Variants in RPS6KA2 observed in about 807,000 individuals in gnomAD.
RPS6KA2 encodes the protein ribosomal protein S6 kinase alpha-2.
Under a neutral mutation model 91.8 loss-of-function variants are expected in RPS6KA2, and 42 were observed. The observed-to-expected ratio is 0.46, with a 90% CI of 0.36 to 0.59. The LOEUF is 0.59. Ranked by LOEUF, RPS6KA2 falls within the 20% of genes least tolerant of loss-of-function variation. RPS6KA2 has a pLI of 0.00. For missense variants in RPS6KA2, 798 were observed against 978.5 expected (o/e 0.82, Z 2.46); for synonymous variants, 414 against 393.6 (o/e 1.05, Z -0.61).
Position 166,459,329 on chromosome 6 carries a change from T to C in RPS6KA2, c.1075+120A>G. On this transcript the variant is annotated intron_variant, in intron 12 of 20. Coordinates refer to ENST00000265678, the MANE Select transcript of RPS6KA2 (RefSeq NM_021135.6). The surrounding 1 kb of genome is among the most constrained non-coding windows in gnomAD (Gnocchi z 4.9). Reference sequence around the variant, plus strand: ...ACAACAACAAAAAACCCAAACAGAATGGACAGTTATTTTCCATGAAAAGAA... The same window carrying C: ...ACAACAACAAAAAACCCAAACAGAACGGACAGTTATTTTCCATGAAAAGAA... 3.1e-6 allele frequency: 2 copies of C among 647,348 alleles called. No homozygotes were observed. The highest frequency in any genetic ancestry group is 2.7e-6 in the Non-Finnish European group (1 of 370,600). 40.1% of individuals were successfully genotyped at this position (647,348 alleles called of 1,614,324 possible). A position where few individuals can be genotyped will look rare whatever the true frequency, so the allele number is the denominator to read the frequency against.
chr6:166,807,610 G>A (rs1779524465), intron 2 of RPS6KA2, among the ~76,000 whole-genome samples: 4 of 151,838 alleles, frequency 2.6e-5, no homozygotes, highest in Admixed American at 2.6e-4. Flanking sequence ...GCCAGGAGGT[G>A]CTACACCACC....
At chr6:166,475,565 C>T (rs995860373) in intron 10 of RPS6KA2, among the ~76,000 whole-genome samples, 2 of 152,224 alleles carry the variant, frequency 1.3e-5, no homozygotes, top group Admixed American at 6.5e-5. Flanking sequence ...GCAGCTCTGT[C>T]GCCCCCACTC....
chr6:166,819,155 C>A (rs1247117365), intron 2 of RPS6KA2, among the ~76,000 whole-genome samples: 1 of 152,156 alleles, frequency 6.6e-6, no homozygotes, highest in African/African-American at 2.4e-5. Flanking sequence ...AGCTTTCGCA[C>A]CCCATTGCTA....
intron 3 of RPS6KA2, among the ~76,000 whole-genome samples, chr6:166,513,564 C>A (rs544750150): frequency 2.7e-4 from 41 of 152,294 alleles, no homozygotes; most frequent in Non-Finnish European, 8.8e-5. Flanking sequence ...AGGAAGGAGA[C>A]CCCTGCCTGC....
intron 2 of RPS6KA2, among the ~76,000 whole-genome samples, chr6:166,645,086 C>T (rs955666354): frequency 1.3e-5 from 2 of 152,170 alleles, no homozygotes; most frequent in African/African-American, 4.8e-5. Flanking sequence ...GGACAAGTTC[C>T]TATTATTTTA....
Position 166,538,695 on chromosome 6 carries a change from C to G in RPS6KA2, c.189G>C (p.Lys63Asn). Residue 63 changes from lysine (K) to asparagine (N), a missense_variant, in exon 2 of 21, where the codon AAG becomes AAC. Lys to Asn is a moderately conservative substitution (Grantham distance 94). Coordinates refer to ENST00000265678, the MANE Select transcript of RPS6KA2 (RefSeq NM_021135.6). ...KADPSQFELL[K>N]VLGQGSYGKV... is the part of the protein sequence containing the mutation. ...TTCCATAGGATCCTTGTCCTAAAAC[C>G]TTCAGCAGCTCAAACTGGGAAGGAT... The G allele has an allele frequency of 1.2e-6, 2 of 1,608,770 alleles. No homozygotes were observed. The highest frequency in any genetic ancestry group is 1.7e-6 in the Non-Finnish European group (2 of 1,175,226).
chr6:166,656,101 A>T (rs1352706703), intron 2 of RPS6KA2, among the ~76,000 whole-genome samples: 1 of 152,266 alleles, frequency 6.6e-6, no homozygotes, highest in African/African-American at 2.4e-5. Context: ...AACCGTGAAC[A>T]AAGGAAGAGA....
At chr6:166,547,349 C>T (rs550950728) in intron 1 of RPS6KA2, among the ~76,000 whole-genome samples, 4 of 152,242 alleles carry the variant, frequency 2.6e-5, no homozygotes, top group Non-Finnish European at 5.9e-5. Context: ...TCCACCAAAT[C>T]CATGGCAATC....
At chr6:166,465,220 A>C (rs9295348) in intron 11 of RPS6KA2, 49,943 of 152,106 alleles carry the variant, frequency 0.33, 8,430 homozygotes, top group East Asian at 0.48. Context: ...CAGTTCTTGC[A>C]AATGAGGCTG....
At chr6:166,446,932 T>C (rs971815362) in intron 14 of RPS6KA2, among the ~76,000 whole-genome samples, 1 of 152,178 alleles carries the variant, frequency 6.6e-6, no homozygotes, top group South Asian at 2.1e-4. Flanking sequence ...GAAGCACATG[T>C]GAAATACGTT....
At chr6:166,475,934 C>T (rs988068843) in intron 10 of RPS6KA2, 3 of 445,340 alleles carry the variant, frequency 6.7e-6, no homozygotes, top group Admixed American at 2.5e-5. Context: ...CTGTCAATAT[C>T]TGTGCAGAAA....
At chr6:166,699,388 C>CA (rs140661320) in intron 2 of RPS6KA2, among the ~76,000 whole-genome samples, 2,417 of 151,656 alleles carry the variant, frequency 0.016, 53 homozygotes, top group African/African-American at 0.048. Flanking sequence ...GATAAAACTA[C>CA]AAAAAAAACT....
chr6:166,505,900 C>T (rs1298320864), intron 5 of RPS6KA2, among the ~76,000 whole-genome samples: 1 of 152,246 alleles, frequency 6.6e-6, no homozygotes, highest in Non-Finnish European at 1.5e-5. Context: ...GACATATCCA[C>T]ACGTGGCCCA....
chr6:166,605,887 C>T (rs920150364), intron 1 of RPS6KA2, among the ~76,000 whole-genome samples: 7 of 152,194 alleles, frequency 4.6e-5, no homozygotes, highest in African/African-American at 1.2e-4. Context: ...TGCCCAGAGG[C>T]GCAGCAACCA....
chr6:166,478,951 G>A (rs73253216), intron 10 of RPS6KA2, among the ~76,000 whole-genome samples: 1,629 of 152,310 alleles, frequency 0.011, 24 homozygotes, highest in African/African-American at 0.038. Flanking sequence ...AGGCCCACAC[G>A]GCCAGGAAGG....
At chr6:166,690,959 TA>T (rs2128571089) in intron 2 of RPS6KA2, among the ~76,000 whole-genome samples, 1 of 152,252 alleles carries the variant, frequency 6.6e-6, no homozygotes, top group East Asian at 1.9e-4. Context: ...ATGAAAGCAT[TA>T]AATAAATAAT....
intron 2 of RPS6KA2, among the ~76,000 whole-genome samples, chr6:166,706,971 G>A (rs545588248): frequency 6.6e-6 from 1 of 152,218 alleles, no homozygotes; most frequent in African/African-American, 2.4e-5. Flanking sequence ...TTGGTGGAAG[G>A]GTGACAGCCA....
At chr6:166,511,121 C>T (rs920485602) in intron 3 of RPS6KA2, among the ~76,000 whole-genome samples, 2 of 152,166 alleles carry the variant, frequency 1.3e-5, no homozygotes, top group East Asian at 1.9e-4. Context: ...CTCACCCTCT[C>T]TGTGTGATGC....
chr6:166,456,271 C>T lies in RPS6KA2; in HGVS notation c.1075+3178G>A, dbSNP rs116773032. 6.0e-3 allele frequency among the ~76,000 whole-genome samples: 917 copies of T among 152,254 alleles called. 3 individuals are homozygous for T. Among genetic ancestry groups the T allele is most frequent in the African/African-American group, 0.021 (857 of 41,522 alleles). On this transcript the variant is annotated intron_variant, in intron 12 of 20. Transcript: ENST00000265678. ...AAAAGTTAAGAGGCTGACATTTGGT[C>T]GGTGTGGCTAGCTAGTAAGGAAATG...
Sources: gnomAD v4.1 joint callset for allele counts (sites outside exome capture counted in the v4.1 genomes callset) on GRCh38, gnomAD v4.1.1 for gene constraint, Gnocchi (gnomAD v3.1) non-coding constraint, MANE v1.5 for transcripts, NCBI Gene and HGNC (gene_info 2026-07-23, HGNC 2026-07-21) for gene names.